The following NET1 variants were observed in gnomAD, a reference collection of about 807,000 sequenced individuals.
NET1 encodes the protein neuroepithelial cell transforming 1.
NET1 carries 42 observed loss-of-function variants against 61.1 expected under a neutral mutation model. The ratio of observed to expected loss-of-function variants is 0.69; its 90% CI spans 0.54 to 0.89. NET1 has a LOEUF of 0.89. NET1 is among the 40% of genes least tolerant of loss of function. The pLI is 0.00. For missense variants in NET1, 654 were observed against 747.3 expected (o/e 0.88, Z 1.46); for synonymous variants, 254 against 281.8 (o/e 0.90, Z 0.99).
At chr10:5,425,048 A>C (rs1832238045) in intron 1 of NET1, among the ~76,000 whole-genome samples, 1 of 152,220 alleles carries the variant, frequency 6.6e-6, no homozygotes, top group African/African-American at 2.4e-5. Flanking sequence ...ATGATGCTTT[A>C]GCCCGTCCTT....
rs1190534260 is a variant in NET1 at position 5,436,248 on chromosome 10, A to ATTT, written c.255+7044_255+7046dup. Among the ~76,000 whole-genome samples the ATTT allele has an allele frequency of 9.8e-4, 18 of 18,390 alleles. 1 individual carries two copies. The highest frequency in any genetic ancestry group is 1.4e-3 in the Non-Finnish European group (15 of 10,688). The allele number at this position is 18,390 out of a possible 152,430, so 12.1% of individuals were successfully genotyped here. A position where few individuals can be genotyped will look rare whatever the true frequency, so the allele number is the denominator to read the frequency against. ...TGCATATATATATATATATATATAT[A>ATTT]TTTTTTTTTTTTTTTTTTTTTTTTT... On this transcript the variant is annotated intron_variant, in intron 3 of 11. Transcript: ENST00000355029.
rs758143244 is a variant in NET1, at chr10:5,449,105, A to G, written c.256-2725A>G. Reference sequence around the variant, plus strand: ...TGCCTAAACCATGTCACTTTTCCACAGAAGTTTCATGTATGAGTCTGTTTT... The same window carrying G: ...TGCCTAAACCATGTCACTTTTCCACGGAAGTTTCATGTATGAGTCTGTTTT... On this transcript the variant is annotated intron_variant, in intron 3 of 11. Coordinates refer to ENST00000355029, the MANE Select transcript of NET1 (RefSeq NM_001047160.3). The surrounding 1 kb of genome is among the most constrained non-coding windows in gnomAD (Gnocchi z 4.4). Among the ~76,000 whole-genome samples, 10 of 152,240 alleles carry G rather than the reference A, an allele frequency of 6.6e-5. No homozygotes were observed. The highest frequency in any genetic ancestry group is 1.2e-4 in the Non-Finnish European group (8 of 68,042).
rs1366003367 is a variant in NET1 at position 5,455,434 on chromosome 10, G to A, written c.1197+316G>A. Among the ~76,000 whole-genome samples, 1 of 152,090 alleles carries A rather than the reference G, an allele frequency of 6.6e-6. No homozygotes were observed. Among genetic ancestry groups the A allele is most frequent in the Admixed American group, 6.5e-5 (1 of 15,288 alleles). ...CATCCTTCAAAAAAAACTTCTAAGA[G>A]TTTATCTTATGCTTATGAAAGTGGT... On this transcript the variant is annotated intron_variant, in intron 10 of 11. Transcript: ENST00000355029. This position sits in a 1 kb window ranked among gnomAD's most constrained non-coding sequence, Gnocchi z 6.5.
In NET1 at chr10:5,451,660, A is replaced by T. The variant is rs1449893361; in HGVS notation, c.256-170A>T. Among the ~76,000 whole-genome samples the T allele has an allele frequency of 6.6e-6, 1 of 152,140 alleles. No homozygotes were observed. Among genetic ancestry groups the T allele is most frequent in the African/African-American group, 2.4e-5 (1 of 41,422 alleles). Reference sequence around the variant, plus strand: ...ACTTATTTTTTGAAAAGTTACTGCTACTCAATAGAGTTCTTATTGTTTTGA... The same window carrying T: ...ACTTATTTTTTGAAAAGTTACTGCTTCTCAATAGAGTTCTTATTGTTTTGA... On this transcript the variant is annotated intron_variant, in intron 3 of 11. Coordinates refer to ENST00000355029, the MANE Select transcript of NET1 (RefSeq NM_001047160.3). This position sits in a 1 kb window ranked among gnomAD's most constrained non-coding sequence, Gnocchi z 6.1.
Position 5,452,519 on chromosome 10 carries a change from G to A in NET1, c.525G>A (p.Arg175=). ...KESLTTREIR[R]QEAIYEMSRG... is the part of the protein sequence containing the mutation. ...CTCTCACCACCAGGGAGATCAGACG[G>A]CAGGAGGTATGCTGGCACTCAGTGT... Residue 175 remains arginine (R), a synonymous_variant, in exon 5 of 12, where the codon CGG becomes CGA. Transcript: ENST00000355029. This position sits in a 1 kb window ranked among gnomAD's most constrained non-coding sequence, Gnocchi z 4.0. The A allele has an allele frequency of 6.2e-7, 1 of 1,610,850 alleles. No individual in the cohort carries two copies.
chr10:5,414,238 A>T (rs1832044830), intron 1 of NET1, among the ~76,000 whole-genome samples: 2 of 152,202 alleles, frequency 1.3e-5, no homozygotes, highest in African/African-American at 4.8e-5. Context: ...TAAGCGCCAC[A>T]TCATGAAGAG....
In NET1 at chr10:5,435,770, T is replaced by C. The variant is rs1296245142; in HGVS notation, c.255+6541T>C. Among the ~76,000 whole-genome samples the C allele has an allele frequency of 6.6e-6, 1 of 152,188 alleles. No homozygotes were observed. The highest frequency in any genetic ancestry group is 1.5e-5 in the Non-Finnish European group (1 of 68,030). On this transcript the variant is annotated intron_variant, in intron 3 of 11. Coordinates refer to ENST00000355029, the MANE Select transcript of NET1 (RefSeq NM_001047160.3). This position sits in a 1 kb window ranked among gnomAD's most constrained non-coding sequence, Gnocchi z 5.0. ...ATCATTAGCTATTTTGTCTTGAAGC[T>C]GTGATTGTTTATCAAATTTTTCTCT...
At position 5,456,620 on chromosome 10, in the gene NET1, C is replaced by T. The variant is rs760741100; in HGVS notation, c.1417C>T (p.Pro473Ser). The T allele has an allele frequency of 3.1e-5, 48 of 1,552,744 alleles. No homozygotes were observed. The highest frequency in any genetic ancestry group is 4.1e-5 in the Non-Finnish European group (47 of 1,151,848). The change falls in exon 12 of 12, where the codon CCC becomes TCC. Residue 473 changes from proline (P) to serine (S), a missense_variant. Pro to Ser is a moderately conservative substitution (Grantham distance 74). Coordinates refer to ENST00000355029, the MANE Select transcript of NET1 (RefSeq NM_001047160.3). This position sits in a 1 kb window ranked among gnomAD's most constrained non-coding sequence, Gnocchi z 7.0. Reference protein sequence around the residue: ...KNIFRIRFHDPSPAQSHTLQA... With the variant: ...KNIFRIRFHDSSPAQSHTLQA... ...TATCTTTAGAATTCGCTTCCATGAC[C>T]CCTCTCCAGCCCAGTCTCACACTCT...
intron 3 of NET1, among the ~76,000 whole-genome samples, chr10:5,436,215 T>C (rs1260342753): frequency 1.4e-5 from 1 of 72,616 alleles, no homozygotes; most frequent in African/African-American, 5.4e-5. Flanking sequence ...TGTGTGTGTG[T>C]GTGTGTGTGC....
rs1300572829 is a variant in NET1 at position 5,436,184 on chromosome 10, TGTTGTGTGTGTGTGTGTG to T, written c.255+6956_255+6973del. On this transcript the variant is annotated intron_variant, in intron 3 of 11. Coordinates refer to ENST00000355029, the MANE Select transcript of NET1 (RefSeq NM_001047160.3). ...GGAGGTGTGTGTGTGTGTGTGTGTG[TGTTGTGTGTGTGTGTGTG>T]TGTGTGTGTGTGTGTGTGTGTGCAT... 1.9e-3 allele frequency among the ~76,000 whole-genome samples: 114 copies of T among 58,730 alleles called. 3 individuals carry two copies. The highest frequency in any genetic ancestry group is 0.012 in the Middle Eastern group (1 of 82). 38.5% of individuals were successfully genotyped at this position (58,730 alleles called of 152,430 possible). A position where few individuals can be genotyped will look rare whatever the true frequency, so the allele number is the denominator to read the frequency against.
chr10:5,435,441 AG>A lies in NET1; in HGVS notation c.255+6214del, dbSNP rs984686044. Among the ~76,000 whole-genome samples the A allele has an allele frequency of 2.8e-4, 42 of 152,144 alleles. No homozygotes were observed. Among genetic ancestry groups the A allele is most frequent in the African/African-American group, 8.7e-4 (36 of 41,490 alleles). On this transcript the variant is annotated intron_variant, in intron 3 of 11. Transcript: ENST00000355029. The surrounding 1 kb of genome is among the most constrained non-coding windows in gnomAD (Gnocchi z 5.0). ...GTACAATTATTTGATGCCTGTTGCT[AG>A]GAGCCATTCTACTTTATATGCCTCC...
In NET1 at chr10:5,412,733, G is replaced by C. The variant is rs1015542810; in HGVS notation, c.41G>C (p.Arg14Pro). Residue 14 changes from arginine (R) to proline (P), a missense_variant, in exon 1 of 12, where the codon CGG (arginine) becomes CCG (proline). Arg to Pro is a moderately radical substitution (Grantham distance 103, BLOSUM62 -2). Coordinates refer to ENST00000355029, the MANE Select transcript of NET1 (RefSeq NM_001047160.3). The surrounding 1 kb of genome is among the most constrained non-coding windows in gnomAD (Gnocchi z 6.5). Reference sequence around the variant, plus strand: ...GCGGCTCAGAAGCAGCCTCGACCGCGGAGGCGAAGCCGCCGGGCCTCTGGG... The same window carrying C: ...GCGGCTCAGAAGCAGCCTCGACCGCCGAGGCGAAGCCGCCGGGCCTCTGGG... ...ELAAQKQPRP[R>P]RRSRRASGLS... is the part of the protein sequence containing the mutation. 7 of 1,480,206 alleles carry C rather than the reference G, an allele frequency of 4.7e-6. No individual in the cohort carries two copies. In the Admixed American group the frequency reaches 1.7e-4, roughly 36 times the overall value. The allele number at this position is 1,480,206 out of a possible 1,614,324, so 91.7% of individuals were successfully genotyped here. A position where few individuals can be genotyped will look rare whatever the true frequency, so the allele number is the denominator to read the frequency against.
At position 5,434,696 on chromosome 10, in the gene NET1, T is replaced by C. The variant is rs555291344; in HGVS notation, c.255+5467T>C. ...TTGTGGATTTTATTTGTGGGTTTTC[T>C]TTTTTTTTTTTTTTGGTTATGCTAG... On this transcript the variant is annotated intron_variant, in intron 3 of 11. Coordinates refer to ENST00000355029, the MANE Select transcript of NET1 (RefSeq NM_001047160.3). Among the ~76,000 whole-genome samples the C allele has an allele frequency of 1.8e-3, 212 of 120,202 alleles. 2 individuals carry two copies. Among genetic ancestry groups the C allele is most frequent in the East Asian group, 0.014 (48 of 3,358 alleles). The allele number at this position is 120,202 out of a possible 152,430, so 78.9% of individuals were successfully genotyped here. A position where few individuals can be genotyped will look rare whatever the true frequency, so the allele number is the denominator to read the frequency against.
At chr10:5,445,462 C>A (rs1479951894) in intron 3 of NET1, among the ~76,000 whole-genome samples, 1 of 152,108 alleles carries the variant, frequency 6.6e-6, no homozygotes, top group East Asian at 1.9e-4. Context: ...GATATGAAGC[C>A]TATTTTTTTT....
rs1178219012 is a variant in NET1, at chr10:5,427,784, G to A, written c.195+1063G>A. On this transcript the variant is annotated intron_variant, in intron 2 of 11. Transcript: ENST00000355029. This position sits in a 1 kb window ranked among gnomAD's most constrained non-coding sequence, Gnocchi z 4.1. ...GCTGCTTTGAGCATTTCCTCCTGGT[G>A]TGCAGTCATTTCCTAGGGGATAGAT... Among the ~76,000 whole-genome samples, 1 of 152,126 alleles carries A rather than the reference G, an allele frequency of 6.6e-6. No individual in the cohort carries two copies. The highest frequency in any genetic ancestry group is 1.5e-5 in the Non-Finnish European group (1 of 68,018).
intron 3 of NET1, among the ~76,000 whole-genome samples, chr10:5,450,713 A>T (rs572375385): frequency 1.3e-5 from 2 of 152,186 alleles, no homozygotes; most frequent in African/African-American, 4.8e-5. Flanking sequence ...ACAAATAGTT[A>T]TGCTCCATAG....
chr10:5,446,663 G>T lies in NET1; in HGVS notation c.256-5167G>T. ...CATGGGCACGTGGCTGCCGAGGGTGGCCGAGCTCTGGGAAGAAAAGCCCGT... is the reference window on the plus strand; with the variant it reads ...CATGGGCACGTGGCTGCCGAGGGTGTCCGAGCTCTGGGAAGAAAAGCCCGT... On this transcript the variant is annotated intron_variant, in intron 3 of 11. Transcript: ENST00000355029. The surrounding 1 kb of genome is among the most constrained non-coding windows in gnomAD (Gnocchi z 5.0). The T allele has an allele frequency of 7.5e-7, 1 of 1,329,230 alleles. No individual in the cohort carries two copies. Among genetic ancestry groups the T allele is most frequent in the East Asian group, 2.8e-5 (1 of 35,836 alleles). 82.3% of individuals were successfully genotyped at this position (1,329,230 alleles called of 1,614,324 possible).
Position 5,456,055 on chromosome 10 carries a change from T to C in NET1, c.1198-32T>C. The stretch of plus-strand genomic sequence containing the variant: ...TTTCAGTCACTTAAAAACACAAGTT[T>C]CCTATTTAGCGTTTGTTTCCCATTT... On this transcript the variant is annotated intron_variant, in intron 10 of 11. Coordinates refer to ENST00000355029, the MANE Select transcript of NET1 (RefSeq NM_001047160.3). The surrounding 1 kb of genome is among the most constrained non-coding windows in gnomAD (Gnocchi z 7.0). 6.3e-7 allele frequency: 1 copy of C among 1,581,294 alleles called. No homozygotes were observed. Among genetic ancestry groups the C allele is most frequent in the Admixed American group, 1.8e-5 (1 of 55,830 alleles).
chr10:5,413,074 A>G (rs1832029301), intron 1 of NET1, among the ~76,000 whole-genome samples: 1 of 150,786 alleles, frequency 6.6e-6, no homozygotes, highest in Non-Finnish European at 1.5e-5. Flanking sequence ...TGAGGGTGGC[A>G]CAGGCTGGAG....
Sources: gnomAD v4.1 joint callset for allele counts (sites outside exome capture counted in the v4.1 genomes callset) on GRCh38, gnomAD v4.1.1 for gene constraint, Gnocchi (gnomAD v3.1) non-coding constraint, MANE v1.5 for transcripts, NCBI Gene and HGNC (gene_info 2026-07-23, HGNC 2026-07-21) for gene names.